Variants in SBNO1 observed in about 807,000 individuals in gnomAD.
The protein encoded by SBNO1 is protein strawberry notch homolog 1.
In SBNO1, 23 loss-of-function variants were observed where a neutral mutation model predicts 173.6. The observed-to-expected ratio is 0.13, with a 90% CI of 0.10 to 0.19. The LOEUF is 0.19. SBNO1 is among the 10% of genes least tolerant of loss of function. The probability of loss-of-function intolerance (pLI) is 1.00; values close to 1 mark genes in which losing one functional copy is unlikely to be tolerated. For synonymous variants in SBNO1, 632 were observed against 571.5 expected (o/e 1.11, Z -1.51); for missense variants, 1,238 against 1,671.2 (o/e 0.74, Z 4.52).
chr12:123,334,119 A>G lies in SBNO1; in HGVS notation c.843T>C (p.Ser281=). Residue 281 remains serine, a synonymous_variant, in exon 7 of 32, where the codon TCT becomes TCC. Coordinates refer to ENST00000602398, the MANE Select transcript of SBNO1 (RefSeq NM_001167856.3). ...PPDVWYKTSI[S]EETIDNGWLS... ...ACCAGCCATTATCAATGGTTTCCTC[A>G]GAAATGGATGTTTTGTACCAAACAT... The G allele has an allele frequency of 6.2e-7, 1 of 1,607,126 alleles. No homozygotes were observed. Among genetic ancestry groups the G allele is most frequent in the Non-Finnish European group, 8.5e-7 (1 of 1,177,136 alleles).
chr12:123,352,488 C>G lies in SBNO1; in HGVS notation c.1-2047G>C, dbSNP rs535646265. On this transcript the variant is annotated intron_variant, in intron 1 of 31. Coordinates refer to ENST00000602398, the MANE Select transcript of SBNO1 (RefSeq NM_001167856.3). The stretch of plus-strand genomic sequence containing the variant: ...TTTGTATTTAGTAGAGACAGGGTTT[C>G]ACAATGTTGGCCAGGCTGGTCTCGA... Among the ~76,000 whole-genome samples the G allele has an allele frequency of 5.3e-5, 8 of 152,206 alleles. No homozygotes were observed. In the South Asian group the frequency reaches 1.7e-3, roughly 32 times the overall value.
rs368040970 is a variant in SBNO1, at chr12:123,320,441, G to A, written c.2658C>T (p.Asn886=). 1.5e-5 allele frequency: 25 copies of A among 1,612,954 alleles called. No individual in the cohort carries two copies. The highest frequency in any genetic ancestry group is 1.6e-4 in the Middle Eastern group (1 of 6,080). The change falls in exon 19 of 32, where the codon AAC becomes AAT. Residue 886 remains asparagine, a synonymous_variant. Coordinates refer to ENST00000602398, the MANE Select transcript of SBNO1 (RefSeq NM_001167856.3). ...ELIDELGGPE[N]VAEMTGRKGR... ...ATACAGGCCTATTTACCTCAGCAAC[G>A]TTCTCAGGGCCACCAAGTTCATCGA... is the stretch of plus-strand genomic sequence containing the variant.
chr12:123,322,885 AAAAAAAAAG>A (rs1216344571), intron 16 of SBNO1, among the ~76,000 whole-genome samples: 3 of 138,098 alleles, frequency 2.2e-5, no homozygotes, highest in East Asian at 3.5e-4. Flanking sequence ...CTGTCTCAAA[AAAAAAAAAG>A]AAAAAAAAAG....
chr12:123,348,121 T>C lies in SBNO1; in HGVS notation c.145A>G (p.Ser49Gly). Residue 49 changes from serine (S) to glycine (G), a missense_variant, in exon 3 of 32, where the codon AGT becomes GGT. Coordinates refer to ENST00000602398, the MANE Select transcript of SBNO1 (RefSeq NM_001167856.3). ...TPSVQQSVPL[S>G]ALELGLETEA... is the part of the protein sequence containing the mutation. The stretch of plus-strand genomic sequence containing the variant: ...GTCTCCAAACCTAGTTCTAATGCAC[T>C]AAGTGGCACTGACTGGAGAGAAAAC... The C allele has an allele frequency of 6.2e-7, 1 of 1,602,990 alleles. No homozygotes were observed. The highest frequency in any genetic ancestry group is 8.5e-7 in the Non-Finnish European group (1 of 1,171,132).
intron 8 of SBNO1, 104 bp from the exon 9 acceptor site, chr12:123,330,613 A>G (rs1018837457): frequency 3.0e-5 from 18 of 592,088 alleles, no homozygotes; most frequent in Non-Finnish European, 4.4e-5. Flanking sequence ...AAAAAAAAAA[A>G]AAAGAAAAAG....
rs2048484593 is a variant in SBNO1, at chr12:123,289,802, C to T, written c.*6106G>A. ...GTGCTATGTAGAAAAAAAGCTCTCT[C>T]TGCCCCATAAAGTGGGAGTCAGAAA... On this transcript the variant is annotated 3_prime_UTR_variant, in exon 32 of 32. Transcript: ENST00000602398. 1 of 152,230 alleles carries T rather than the reference C, an allele frequency of 6.6e-6. No homozygotes were observed. The highest frequency in any genetic ancestry group is 1.5e-5 in the Non-Finnish European group (1 of 68,050). 9.4% of individuals were successfully genotyped at this position (152,230 alleles called of 1,614,324 possible). A position where few individuals can be genotyped will look rare whatever the true frequency, so the allele number is the denominator to read the frequency against.
At chr12:123,341,657 G>T (rs981310651) in intron 4 of SBNO1, among the ~76,000 whole-genome samples, 3 of 151,818 alleles carry the variant, frequency 2.0e-5, no homozygotes, top group Non-Finnish European at 4.4e-5. Flanking sequence ...AAGTAGCTGG[G>T]ATTACAGGAA....
Position 123,320,879 on chromosome 12 carries a change from G to GA in SBNO1, c.2324-14dup. ...ATTAACCAGGGATCTGAGTGTTAAG[G>GA]AAAGATACATGTCAAATCATTTGTT... On this transcript the variant is annotated splice_polypyrimidine_tract_variant and intron_variant, in intron 17 of 31. Transcript: ENST00000602398. The GA allele has an allele frequency of 6.5e-7, 1 of 1,531,894 alleles. No homozygotes were observed. Among genetic ancestry groups the GA allele is most frequent in the Non-Finnish European group, 8.8e-7 (1 of 1,135,484 alleles). The allele number at this position is 1,531,894 out of a possible 1,614,324, so 94.9% of individuals were successfully genotyped here.
chr12:123,299,814 T>C (rs1364797774), intron 30 of SBNO1, among the ~76,000 whole-genome samples: 1 of 151,894 alleles, frequency 6.6e-6, no homozygotes, highest in African/African-American at 2.4e-5. Flanking sequence ...GATGGTGCCA[T>C]TGCACTCAAG....
intron 16 of SBNO1, 33 bp from the exon 17 acceptor site, chr12:123,321,765 A>G (rs746010272): frequency 2.4e-5 from 37 of 1,550,692 alleles, no homozygotes; most frequent in Non-Finnish European, 3.2e-5. Flanking sequence ...GAGTCAGCCC[A>G]AATTCAATGT....
intron 6 of SBNO1, among the ~76,000 whole-genome samples, chr12:123,335,654 G>A (rs1397521672): frequency 1.3e-5 from 2 of 152,116 alleles, no homozygotes; most frequent in South Asian, 2.1e-4. Context: ...TAGTGTCAAC[G>A]CAGCCATAGA....
chr12:123,322,638 G>A (rs1014621263), intron 16 of SBNO1, among the ~76,000 whole-genome samples: 1 of 151,412 alleles, frequency 6.6e-6, no homozygotes, highest in Non-Finnish European at 1.5e-5. Flanking sequence ...GGGCGAGATG[G>A]CTCACACCTG....
At chr12:123,356,258 A>G (rs868008087) in intron 1 of SBNO1, among the ~76,000 whole-genome samples, 16 of 152,364 alleles carry the variant, frequency 1.1e-4, no homozygotes, top group Middle Eastern at 6.8e-3. Context: ...TGTGTGAAGT[A>G]AATGTGATAC....
chr12:123,324,704 G>A (rs1271406685), intron 15 of SBNO1, among the ~76,000 whole-genome samples: 2 of 152,178 alleles, frequency 1.3e-5, no homozygotes, highest in Non-Finnish European at 2.9e-5. Context: ...ACCAGAGTTT[G>A]AATGTGGAGG....
chr12:123,321,809 G>GA, intron 16 of SBNO1, 77 bp from the exon 17 acceptor site: 1 of 1,179,586 alleles, frequency 8.5e-7, no homozygotes, highest in Non-Finnish European at 1.2e-6. Context: ...TTTAGTTCAT[G>GA]AATTAATTCA....
Position 123,315,572 on chromosome 12 carries a change from A to T in SBNO1, c.3024T>A (p.Ile1008=). ...ELAGEQRFAS[I]VAKRLESLGA... ...CCAAACTCTCAAGTCTTTTAGCAAC[A>T]ATAGATGCAAATCTTTGTTCTCCTG... The change falls in exon 22 of 32, where the codon ATT becomes ATA. Residue 1008 remains isoleucine (I), a synonymous_variant. Transcript: ENST00000602398. 1 of 1,612,970 alleles carries T rather than the reference A, an allele frequency of 6.2e-7. No individual in the cohort carries two copies. The highest frequency in any genetic ancestry group is 8.5e-7 in the Non-Finnish European group (1 of 1,179,000).
chr12:123,321,497 TTA>T, intron 17 of SBNO1, 36 bp downstream of exon 17: 2 of 1,382,338 alleles, frequency 1.4e-6, no homozygotes, highest in Non-Finnish European at 2.1e-6. Flanking sequence ...TACTGAAATA[TTA>T]TATGCTTTCG....
Position 123,350,485 on chromosome 12 carries a change from G to A in SBNO1, c.1-44C>T. ...AATATTAACATAAAAAACAAAAAGT[G>A]ACAAATATTAACTCCCCTCTAAATA... On this transcript the variant is annotated intron_variant, in intron 1 of 31. Transcript: ENST00000602398. 2.7e-6 allele frequency: 4 copies of A among 1,470,658 alleles called. No homozygotes were observed. In the Admixed American group the frequency reaches 5.0e-5, roughly 18 times the overall value. The allele number at this position is 1,470,658 out of a possible 1,614,324, so 91.1% of individuals were successfully genotyped here.
intron 5 of SBNO1, among the ~76,000 whole-genome samples, chr12:123,338,066 G>A (rs758736845): frequency 1.2e-4 from 19 of 152,056 alleles, no homozygotes; most frequent in Non-Finnish European, 2.4e-4. Context: ...GGGAGACCAC[G>A]GTACCTGGGA....
Sources: gnomAD v4.1 joint callset for allele counts (sites outside exome capture counted in the v4.1 genomes callset) on GRCh38, gnomAD v4.1.1 for gene constraint, MANE v1.5 for transcripts, NCBI Gene and HGNC (gene_info 2026-07-23, HGNC 2026-07-21) for gene names.